The following GALNT16 variants were observed in gnomAD, a reference collection of about 807,000 sequenced individuals.
GALNT16 encodes UDP-GalNAc:polypeptide N-acetylgalactosaminyltransferase-like protein 1.
Under a neutral mutation model 76.1 loss-of-function variants are expected in GALNT16, and 40 were observed. The observed-to-expected ratio is 0.53, with a 90% confidence interval of 0.41 to 0.68. The LOEUF is 0.68. Ranked by LOEUF, GALNT16 falls within the 30% of genes least tolerant of loss-of-function variation. The pLI is 0.00. For synonymous variants in GALNT16, 276 were observed against 285.2 expected (o/e 0.97, Z 0.32); for missense variants, 621 against 731.9 (o/e 0.85, Z 1.75).
At chr14:69,362,418 C>T in the GALNT16 span, among the ~76,000 whole-genome samples, 1 of 152,244 alleles carries the variant, frequency 6.6e-6, no homozygotes, top group Admixed American at 6.5e-5. Flanking sequence ...GTGCCTGGAT[C>T]TCTGCATGCT....
At chr14:69,365,217 G>C in the GALNT16 span, among the ~76,000 whole-genome samples, 4 of 152,220 alleles carry the variant, frequency 2.6e-5, no homozygotes, top group African/African-American at 9.6e-5. Flanking sequence ...TGGAGTTAAA[G>C]TGGGGGTAGG....
chr14:69,351,090 C>A, intron 14 of GALNT16: 1 of 152,354 alleles, frequency 6.6e-6, no homozygotes, highest in Non-Finnish European at 1.5e-5. Context: ...CTCCAGTCTC[C>A]CACCACCCTG....
At chr14:69,310,683 T>C (rs145959609) in intron 1 of GALNT16, among the ~76,000 whole-genome samples, 1 of 152,316 alleles carries the variant, frequency 6.6e-6, no homozygotes, top group African/African-American at 2.4e-5. Context: ...GGAACATTTG[T>C]GTCTCTGTTT....
the GALNT16 span, among the ~76,000 whole-genome samples, chr14:69,375,909 G>T: frequency 2.0e-5 from 3 of 152,208 alleles, no homozygotes; most frequent in Non-Finnish European, 2.9e-5. Flanking sequence ...AAAGTGCTGA[G>T]ATTATTGGCA....
At chr14:69,276,383 A>G (rs778760715) in intron 1 of GALNT16, among the ~76,000 whole-genome samples, 1 of 152,198 alleles carries the variant, frequency 6.6e-6, no homozygotes, top group Non-Finnish European at 1.5e-5. Context: ...CAGTTTTTTT[A>G]TAAGAAAGAA....
intron 1 of GALNT16, among the ~76,000 whole-genome samples, chr14:69,285,938 G>A (rs2092323149): frequency 6.6e-6 from 1 of 152,082 alleles, no homozygotes; most frequent in African/African-American, 2.4e-5. Flanking sequence ...TCAGCATCCT[G>A]GTCTGACTCC....
chr14:69,383,411 C>T, the GALNT16 span, among the ~76,000 whole-genome samples: 68,779 of 152,090 alleles, frequency 0.45, 15,737 homozygotes, highest in Middle Eastern at 0.59. Flanking sequence ...AAACCAAAAA[C>T]GGACCCAGTC....
intron 1 of GALNT16, among the ~76,000 whole-genome samples, chr14:69,281,296 A>G (rs1337030968): frequency 1.3e-5 from 2 of 152,186 alleles, no homozygotes; most frequent in African/African-American, 2.4e-5. Context: ...TTGCAGATGA[A>G]AAAACTGAGA....
In GALNT16 at chr14:69,328,440, C is replaced by A; in HGVS notation, c.569-10C>A. The A allele has an allele frequency of 6.2e-7, 1 of 1,613,144 alleles. No individual in the cohort carries two copies. The highest frequency in any genetic ancestry group is 8.5e-7 in the Non-Finnish European group (1 of 1,179,500). On this transcript the variant is annotated splice_polypyrimidine_tract_variant and intron_variant, in intron 5 of 14. Coordinates refer to ENST00000448469, the MANE Select transcript of GALNT16 (RefSeq NM_001168368.2). Reference sequence around the variant, plus strand: ...GTCCCAGCGCCAAGCCCTATCTACTCCTCTTGTAGGGCTGATCCGGTCCCG... The same window carrying A: ...GTCCCAGCGCCAAGCCCTATCTACTACTCTTGTAGGGCTGATCCGGTCCCG...
chr14:69,268,333 G>A (rs1013369881), intron 1 of GALNT16, among the ~76,000 whole-genome samples: 6 of 152,188 alleles, frequency 3.9e-5, no homozygotes, highest in African/African-American at 1.4e-4. Flanking sequence ...TATAAAAACT[G>A]GTTTCAGTAG....
chr14:69,384,053 A>AT, the GALNT16 span, among the ~76,000 whole-genome samples: 2 of 152,160 alleles, frequency 1.3e-5, no homozygotes, highest in Non-Finnish European at 2.9e-5. Flanking sequence ...ACATACTTGT[A>AT]TATCATTAAC....
downstream of GALNT16, chr14:69,355,830 C>T (rs1454771042): frequency 6.6e-6 from 1 of 152,248 alleles, no homozygotes; most frequent in Non-Finnish European, 1.5e-5. Context: ...GGCTGTTCCC[C>T]CTGGCCCCTC....
chr14:69,359,491 T>C (rs921349167), downstream of GALNT16, among the ~76,000 whole-genome samples: 9 of 152,162 alleles, frequency 5.9e-5, no homozygotes, highest in Non-Finnish European at 1.3e-4. Context: ...AACAGCAATG[T>C]GTTGGTGATG....
chr14:69,266,542 C>G (rs1460772717), intron 1 of GALNT16, among the ~76,000 whole-genome samples: 2 of 152,090 alleles, frequency 1.3e-5, no homozygotes, highest in African/African-American at 4.8e-5. Flanking sequence ...CTGTAGGGTT[C>G]CAAGGAATAG....
intron 5 of GALNT16, among the ~76,000 whole-genome samples, chr14:69,326,577 G>A (rs769324621): frequency 1.3e-5 from 2 of 152,214 alleles, no homozygotes; most frequent in African/African-American, 4.8e-5. Flanking sequence ...GGAGTGAGCA[G>A]GGAAGGCTTC....
intron 1 of GALNT16, among the ~76,000 whole-genome samples, chr14:69,294,023 T>C (rs1261858914): frequency 1.3e-5 from 2 of 152,126 alleles, no homozygotes; most frequent in Non-Finnish European, 2.9e-5. Flanking sequence ...CCTGAGTAGT[T>C]GGGACTAGAG....
At chr14:69,339,479 C>A (rs1256833839) in intron 10 of GALNT16, 48 bp from the exon 11 acceptor site, 3 of 1,093,230 alleles carry the variant, frequency 2.7e-6, no homozygotes, top group South Asian at 1.2e-5. Flanking sequence ...GACCGCTAAC[C>A]CTGTTGCTTC....
intron 1 of GALNT16, among the ~76,000 whole-genome samples, chr14:69,310,498 C>T (rs1240751285): frequency 2.6e-5 from 4 of 152,032 alleles, no homozygotes; most frequent in Non-Finnish European, 5.9e-5. Context: ...GGTGGGTGGC[C>T]ATAAAGGGAA....
At chr14:69,271,430 T>G (rs2044406400) in intron 1 of GALNT16, among the ~76,000 whole-genome samples, 1 of 152,114 alleles carries the variant, frequency 6.6e-6, no homozygotes, top group Non-Finnish European at 1.5e-5. Context: ...AGGTGACAGG[T>G]CTGAGCGAGA....
Sources: gnomAD v4.1 joint callset for allele counts (sites outside exome capture counted in the v4.1 genomes callset) on GRCh38, gnomAD v4.1.1 for gene constraint, MANE v1.5 for transcripts, NCBI Gene and HGNC (gene_info 2026-07-23, HGNC 2026-07-21) for gene names.